The following SLC30A6 variants were observed in gnomAD, a reference collection of about 807,000 sequenced individuals.
SLC30A6 encodes the protein solute carrier family 30 member 6.
Under a neutral mutation model 63.0 loss-of-function variants are expected in SLC30A6, and 55 were observed. The ratio of observed to expected loss-of-function variants is 0.87; its 90% CI spans 0.70 to 1.09. SLC30A6 has a LOEUF of 1.09. SLC30A6 is among the 50% of genes least tolerant of loss of function. The probability of loss-of-function intolerance (pLI) is 0.00; values close to 1 mark genes in which losing one functional copy is unlikely to be tolerated. For synonymous variants in SLC30A6, 224 were observed against 186.1 expected (o/e 1.20, Z -1.66); for missense variants, 587 against 549.2 (o/e 1.07, Z -0.69).
Position 32,220,818 on chromosome 2 carries a change from A to T in SLC30A6, c.*105A>T, listed in dbSNP as rs752975705. On this transcript the variant is annotated 3_prime_UTR_variant, in exon 14 of 14. Coordinates refer to ENST00000282587, the MANE Select transcript of SLC30A6 (RefSeq NM_017964.5). Reference sequence around the variant, plus strand: ...TTTAATCATTTACTCTAAATGTTAGATAATAGTAGTCTTGTTCACATTTCA... The same window carrying T: ...TTTAATCATTTACTCTAAATGTTAGTTAATAGTAGTCTTGTTCACATTTCA... 4.0e-6 allele frequency: 4 copies of T among 1,009,874 alleles called. No individual in the cohort carries two copies. The highest frequency in any genetic ancestry group is 5.7e-6 in the Non-Finnish European group (4 of 697,816). 62.6% of individuals were successfully genotyped at this position (1,009,874 alleles called of 1,614,324 possible).
chr2:32,203,751 C>T (rs949087206), intron 10 of SLC30A6: 53 of 1,513,976 alleles, frequency 3.5e-5, no homozygotes, highest in Admixed American at 5.0e-5. Context: ...GGCATGATTC[C>T]GACTGGATAT....
At chr2:32,209,309 T>C (rs555225593) in intron 12 of SLC30A6, among the ~76,000 whole-genome samples, 184 bp from the exon 13 acceptor site, 22 of 152,320 alleles carry the variant, frequency 1.4e-4, no homozygotes, top group Admixed American at 1.4e-3. Flanking sequence ...AGCAAGGTCT[T>C]GGGTCAGTAT....
chr2:32,168,683 A>G (rs1477439594), intron 1 of SLC30A6, among the ~76,000 whole-genome samples: 6 of 152,186 alleles, frequency 3.9e-5, no homozygotes, highest in African/African-American at 1.4e-4. Flanking sequence ...GTTTGTCATT[A>G]TATGAATAAG....
At chr2:32,218,550 GTTTT>G (rs1194679220) in intron 13 of SLC30A6, among the ~76,000 whole-genome samples, 4 of 151,248 alleles carry the variant, frequency 2.6e-5, no homozygotes, top group African/African-American at 4.9e-5. Flanking sequence ...GTTTTGTTTT[GTTTT>G]GTTTTGTTTT....
At chr2:32,172,387 CT>C (rs1208818040) in intron 2 of SLC30A6, among the ~76,000 whole-genome samples, 5 of 148,750 alleles carry the variant, frequency 3.4e-5, no homozygotes, top group Admixed American at 6.7e-5. Flanking sequence ...CCTTTTTGTT[CT>C]TTTTTTTTTG....
chr2:32,197,493 G>A (rs573882002), intron 9 of SLC30A6, 101 bp downstream of exon 9: 59 of 1,298,676 alleles, frequency 4.5e-5, no homozygotes, highest in East Asian at 2.6e-4. Flanking sequence ...AGGTTACTAC[G>A]TGAATCACAC....
chr2:32,184,446 A>G lies in SLC30A6; in HGVS notation c.284+108A>G, dbSNP rs1233142462. ...TATTTCTGGAAAATAAATGCTGCGT[A>G]CTTAGTGAAATGATGATCAGATAGT... On this transcript the variant is annotated intron_variant, in intron 5 of 13. Transcript: ENST00000282587. The G allele has an allele frequency of 7.5e-6, 4 of 531,602 alleles. No homozygotes were observed. The East Asian group carries it at 1.5e-4, about 20-fold the overall frequency. The allele number at this position is 531,602 out of a possible 1,614,324, so 32.9% of individuals were successfully genotyped here.
chr2:32,203,574 G>C, intron 10 of SLC30A6: 1 of 1,600,306 alleles, frequency 6.2e-7, no homozygotes, highest in Non-Finnish European at 8.6e-7. Context: ...CCATGACTCT[G>C]GAAAGCCTAG....
chr2:32,177,849 G>A (rs1029438769), intron 4 of SLC30A6, among the ~76,000 whole-genome samples: 1 of 151,170 alleles, frequency 6.6e-6, no homozygotes, highest in African/African-American at 2.4e-5. Flanking sequence ...GGCTGGTCTC[G>A]AACTCCCAAA....
intron 1 of SLC30A6, among the ~76,000 whole-genome samples, chr2:32,167,061 CT>C (rs1680733542): frequency 6.6e-6 from 1 of 151,896 alleles, no homozygotes; most frequent in South Asian, 2.1e-4. Context: ...AAGCTTCTTA[CT>C]TTTACAGCCT....
rs772019715 is a variant in SLC30A6, at chr2:32,174,144, A to G, written c.172A>G (p.Ile58Val). 1.4e-5 allele frequency: 22 copies of G among 1,608,864 alleles called. No individual in the cohort carries two copies. The highest frequency in any genetic ancestry group is 1.9e-5 in the Non-Finnish European group (22 of 1,177,402). ...TATGTGGTGCAGTTCTACTAATAGT[A>G]TAGGTATGTCACCTTTGTATTTTTA... ...LLMWCSSTNS[I>V]ALTAYTYLTI... Residue 58 changes from isoleucine to valine, a missense_variant, in exon 3 of 14, where the codon ATA becomes GTA. Physicochemically the swap from Ile to Val is conservative, Grantham distance 29. Coordinates refer to ENST00000282587, the MANE Select transcript of SLC30A6 (RefSeq NM_017964.5).
intron 4 of SLC30A6, among the ~76,000 whole-genome samples, chr2:32,178,557 C>CA (rs907713953): frequency 2.0e-4 from 31 of 152,142 alleles, no homozygotes; most frequent in African/African-American, 7.2e-4. Context: ...CCTGTAGTCC[C>CA]AGCTACTCAG....
At chr2:32,181,278 C>T (rs1682284485) in intron 4 of SLC30A6, among the ~76,000 whole-genome samples, 1 of 152,022 alleles carries the variant, frequency 6.6e-6, no homozygotes, top group Non-Finnish European at 1.5e-5. Flanking sequence ...ATATTAGATG[C>T]CAACAGTTTT....
chr2:32,196,637 C>T (rs2148863813), intron 8 of SLC30A6, among the ~76,000 whole-genome samples: 1 of 152,270 alleles, frequency 6.6e-6, no homozygotes, highest in South Asian at 2.1e-4. Context: ...ATTCGAAACG[C>T]TCCTATGAGC....
At chr2:32,218,371 A>G (rs943076494) in intron 13 of SLC30A6, among the ~76,000 whole-genome samples, 2 of 152,210 alleles carry the variant, frequency 1.3e-5, no homozygotes, top group Admixed American at 6.5e-5. Context: ...TCTATCCCTT[A>G]GAAGCCTTGA....
intron 10 of SLC30A6, among the ~76,000 whole-genome samples, chr2:32,198,153 A>G (rs1683963040): frequency 6.6e-6 from 1 of 152,226 alleles, no homozygotes; most frequent in South Asian, 2.1e-4. Context: ...AAGAGGACGT[A>G]GGCGTGAAAC....
intron 1 of SLC30A6, among the ~76,000 whole-genome samples, chr2:32,167,488 T>C (rs1296606705): frequency 6.6e-6 from 1 of 152,032 alleles, no homozygotes; most frequent in Non-Finnish European, 1.5e-5. Context: ...TTGTACCTAA[T>C]TTGCATATGC....
At chr2:32,166,696 C>G (rs1243600529) in intron 1 of SLC30A6, among the ~76,000 whole-genome samples, 1 of 152,188 alleles carries the variant, frequency 6.6e-6, no homozygotes, top group African/African-American at 2.4e-5. Context: ...TGATAGCCTA[C>G]GTATGAGAAA....
chr2:32,176,276 T>G (rs1348737207), intron 4 of SLC30A6, among the ~76,000 whole-genome samples: 1 of 152,218 alleles, frequency 6.6e-6, no homozygotes, highest in African/African-American at 2.4e-5. Context: ...GATGCTGTTT[T>G]GCCTGTCACG....
Sources: gnomAD v4.1 joint callset for allele counts (sites outside exome capture counted in the v4.1 genomes callset) on GRCh38, gnomAD v4.1.1 for gene constraint, MANE v1.5 for transcripts, NCBI Gene and HGNC (gene_info 2026-07-23, HGNC 2026-07-21) for gene names.